TMEM45A: variants seen among roughly 807,000 people sequenced by gnomAD.
The protein encoded by TMEM45A is DNA polymerase-transactivated protein 4.
In TMEM45A, 25 loss-of-function variants were observed where a neutral mutation model predicts 32.0. The ratio of observed to expected loss-of-function variants is 0.78; its 90% CI spans 0.57 to 1.09. The LOEUF is 1.09. TMEM45A is among the 50% of genes least tolerant of loss of function. The pLI is 0.00. For missense variants in TMEM45A, 302 were observed against 325.0 expected, an observed-to-expected ratio of 0.93 and a Z score of 0.54; for synonymous variants, 122 against 114.8, an observed-to-expected ratio of 1.06 and a Z score of -0.40.
intron 4 of TMEM45A, among the ~76,000 whole-genome samples, chr3:100,568,304 T>G (rs1706485928): frequency 6.6e-6 from 1 of 152,220 alleles, no homozygotes; most frequent in South Asian, 2.1e-4. Flanking sequence ...CCTTTTATTT[T>G]TCTTAACGGC....
At chr3:100,527,348 AAATCTGTT>A (rs1224497783) in intron 1 of TMEM45A, among the ~76,000 whole-genome samples, 1 of 152,238 alleles carries the variant, frequency 6.6e-6, no homozygotes, top group East Asian at 1.9e-4. Context: ...TATATTTTAA[AAATCTGTT>A]CAAAGGAACA....
At chr3:100,545,566 C>T (rs1356580474) in intron 1 of TMEM45A, among the ~76,000 whole-genome samples, 2 of 152,148 alleles carry the variant, frequency 1.3e-5, no homozygotes, top group African/African-American at 4.8e-5. Flanking sequence ...TTTTGTTCTA[C>T]CTTTCGAAAT....
At chr3:100,540,651 T>C (rs1435744500) in intron 1 of TMEM45A, among the ~76,000 whole-genome samples, 1 of 152,174 alleles carries the variant, frequency 6.6e-6, no homozygotes, top group Non-Finnish European at 1.5e-5. Flanking sequence ...AAAGATAACA[T>C]ACAATTATCT....
chr3:100,570,229 T>TAA (rs1209325906), intron 5 of TMEM45A, among the ~76,000 whole-genome samples: 11 of 152,248 alleles, frequency 7.2e-5, no homozygotes, highest in Non-Finnish European at 1.5e-5. Context: ...CTCTGATTCC[T>TAA]AAATTGCAGT....
At chr3:100,575,561 G>A (rs754975241) in intron 5 of TMEM45A, among the ~76,000 whole-genome samples, 2 of 152,020 alleles carry the variant, frequency 1.3e-5, no homozygotes, top group East Asian at 1.9e-4. Context: ...TAGTAGAGAC[G>A]GAGTTTTGCC....
intron 1 of TMEM45A, among the ~76,000 whole-genome samples, chr3:100,521,523 G>T (rs1705436889): frequency 6.6e-6 from 1 of 152,162 alleles, no homozygotes; most frequent in South Asian, 2.1e-4. Context: ...AACGTGCTGG[G>T]ATTACAGTGT....
intron 1 of TMEM45A, among the ~76,000 whole-genome samples, chr3:100,498,368 C>G (rs1214056806): frequency 6.6e-6 from 1 of 152,166 alleles, no homozygotes. Flanking sequence ...TGTTGGTAGG[C>G]TTCATCTAAT....
At chr3:100,517,239 C>T (rs1212301858) in intron 1 of TMEM45A, among the ~76,000 whole-genome samples, 1 of 152,142 alleles carries the variant, frequency 6.6e-6, no homozygotes, top group Non-Finnish European at 1.5e-5. Context: ...GCCTTAGCCT[C>T]CTAAGTAGCT....
intron 1 of TMEM45A, among the ~76,000 whole-genome samples, chr3:100,530,367 A>G (rs1397330259): frequency 1.3e-5 from 2 of 152,204 alleles, no homozygotes; most frequent in East Asian, 3.9e-4. Flanking sequence ...TTGAGGGAGA[A>G]TTCATTCATC....
intron 3 of TMEM45A, 140 bp from the exon 4 acceptor site, chr3:100,558,265 A>G (rs570254687): frequency 5.5e-6 from 5 of 904,400 alleles, no homozygotes; most frequent in Admixed American, 2.5e-5. Flanking sequence ...AAAATGCAGT[A>G]CTGTGGGAAT....
At chr3:100,569,032 G>A in intron 5 of TMEM45A, 65 bp downstream of exon 5, 1 of 1,493,034 alleles carries the variant, frequency 6.7e-7, no homozygotes, top group South Asian at 1.3e-5. Flanking sequence ...AGACTCAGTG[G>A]TATTGAATTT....
In TMEM45A at chr3:100,568,921, GCAGTAACCATTGT is replaced by G; in HGVS notation, c.691_703del (p.Val231SerfsTer4). The G allele has an allele frequency of 6.2e-7, 1 of 1,613,738 alleles. No homozygotes were observed. Among genetic ancestry groups the G allele is most frequent in the South Asian group, 1.1e-5 (1 of 91,022 alleles). ...CACCATATGCTTTTGTTGGCATTATGCAGTAACCATTGTCATCGTTGGAATGAATTATGCTTTC... is the reference window on the plus strand; with the variant it reads ...CACCATATGCTTTTGTTGGCATTATGCATCGTTGGAATGAATTATGCTTTC... On this transcript the variant is annotated frameshift_variant, in exon 5 of 6. Transcript: ENST00000323523. LOFTEE classifies it high-confidence loss of function.
intron 1 of TMEM45A, among the ~76,000 whole-genome samples, chr3:100,527,155 G>C (rs1308065723): frequency 6.6e-6 from 1 of 152,154 alleles, no homozygotes; most frequent in Non-Finnish European, 1.5e-5. Flanking sequence ...AACAAGAGAG[G>C]ACTATGACAC....
In TMEM45A at chr3:100,558,553, A is replaced by G; in HGVS notation, c.552A>G (p.Ser184=). The part of the protein sequence containing the change: ...RNNVLLELLR[S]SLILLQGSWF... ...ATGTACTTCTGGAGCTATTGCGGTC[A>G]AGTCTCATTCTGCTTCAGGGGAGCT... is the stretch of plus-strand genomic sequence containing the variant. The change falls in exon 4 of 6, where the codon TCA becomes TCG. Residue 184 remains serine (S), a synonymous_variant. Transcript: ENST00000323523. 6.2e-7 allele frequency: 1 copy of G among 1,614,128 alleles called. No homozygotes were observed. Among genetic ancestry groups the G allele is most frequent in the Non-Finnish European group, 8.5e-7 (1 of 1,179,990 alleles).
At chr3:100,523,393 G>A (rs938465063) in intron 1 of TMEM45A, among the ~76,000 whole-genome samples, 12 of 152,086 alleles carry the variant, frequency 7.9e-5, no homozygotes, top group Non-Finnish European at 1.2e-4. Context: ...TTATTTACTC[G>A]TTTAACAACC....
At chr3:100,526,316 C>T (rs894800162) in intron 1 of TMEM45A, among the ~76,000 whole-genome samples, 1 of 152,174 alleles carries the variant, frequency 6.6e-6, no homozygotes, top group African/African-American at 2.4e-5. Flanking sequence ...TTGAGGAACT[C>T]TTAAAGTCTC....
intron 4 of TMEM45A, among the ~76,000 whole-genome samples, chr3:100,562,710 A>G (rs1430577692): frequency 6.6e-6 from 1 of 152,214 alleles, no homozygotes. Flanking sequence ...CACCATAGAT[A>G]ATATGTTCTG....
intron 1 of TMEM45A, among the ~76,000 whole-genome samples, chr3:100,516,134 A>T (rs1708258020): frequency 6.6e-6 from 1 of 152,194 alleles, no homozygotes; most frequent in South Asian, 2.1e-4. Context: ...ATTATGTATC[A>T]GTAAAAAATG....
chr3:100,503,034 CCTT>C lies in TMEM45A; in HGVS notation c.-4+10115_-4+10117del, dbSNP rs1332390501. ...TCCTCCTTCTCCATCTCCTCCTCCT[CCTT>C]CTTCTTCTCCTTCTTCCTCTCTTTC... On this transcript the variant is annotated intron_variant, in intron 1 of 5. Transcript: ENST00000323523. 1.7e-4 allele frequency among the ~76,000 whole-genome samples: 25 copies of C among 151,084 alleles called. 1 individual carries two copies. The highest frequency in any genetic ancestry group is 4.4e-4 in the African/African-American group (18 of 41,102).
Sources: allele counts gnomAD v4.1 joint callset (sites outside exome capture counted in the v4.1 genomes callset), GRCh38; gene constraint gnomAD v4.1.1; transcripts MANE v1.5; gene names NCBI Gene and HGNC (gene_info 2026-07-23, HGNC 2026-07-21).